FBXO34: variants seen among roughly 807,000 people sequenced by gnomAD.
FBXO34 encodes the protein F-box protein 34, also known as F-box only protein 34.
FBXO34 carries 12 observed loss-of-function variants against 24.5 expected under a neutral mutation model. That is an observed-to-expected ratio of 0.49 (90% CI 0.31 to 0.79). The LOEUF (loss-of-function observed/expected upper bound fraction) is 0.79, where lower values mean the gene tolerates loss of function less well. FBXO34 is among the 30% of genes least tolerant of loss of function. FBXO34 has a pLI of 0.04. For missense variants in FBXO34, 823 were observed against 857.7 expected (o/e 0.96, Z 0.51); for synonymous variants, 320 against 311.9 (o/e 1.03, Z -0.27).
chr14:55,428,246 C>G, the FBXO34 span, among the ~76,000 whole-genome samples: 3 of 147,490 alleles, frequency 2.0e-5, no homozygotes. Flanking sequence ...TCTTCTGCCT[C>G]AGCCTCCCGA....
chr14:55,287,872 T>G (rs983640717), intron 1 of FBXO34, among the ~76,000 whole-genome samples: 5 of 152,228 alleles, frequency 3.3e-5, no homozygotes, highest in African/African-American at 1.2e-4. Context: ...CCAACATGCA[T>G]TTGCATCATG....
rs751184392 is a variant in FBXO34, at chr14:55,351,346, A to G, written c.956A>G (p.Asn319Ser). Residue 319 changes from asparagine to serine, a missense_variant, in exon 2 of 2, where the codon AAT (asparagine) becomes AGT (serine). Physicochemically the swap from Asn to Ser is conservative, Grantham distance 46. Transcript: ENST00000313833. The stretch of plus-strand genomic sequence containing the variant: ...AATGTGGGCAGAGTATTGCTTGCAA[A>G]TAGCACTCAGGCTGATGAAGGCAAA... ...RRNVGRVLLA[N>S]STQADEGKTK... 82 of 1,614,114 alleles carry G rather than the reference A, an allele frequency of 5.1e-5. 1 individual carries two copies. Among genetic ancestry groups the G allele is most frequent in the Non-Finnish European group, 6.8e-5 (80 of 1,180,042 alleles).
chr14:55,369,862 A>G, downstream of FBXO34: 1 of 1,614,160 alleles, frequency 6.2e-7, no homozygotes, highest in Non-Finnish European at 8.5e-7. Context: ...ATTCTCCAGC[A>G]ACTCCGGGAT....
At chr14:55,345,181 C>T (rs981513208) in intron 1 of FBXO34, among the ~76,000 whole-genome samples, 17 of 152,144 alleles carry the variant, frequency 1.1e-4, no homozygotes, top group Admixed American at 1.1e-3. Context: ...TGCTCAGCCA[C>T]CTGTTGCCAT....
At chr14:55,424,263 T>C in the FBXO34 span, 1 of 1,584,702 alleles carries the variant, frequency 6.3e-7, no homozygotes, top group Non-Finnish European at 8.7e-7. Context: ...ACTGTTAAGA[T>C]GTAAAAGGAA....
At chr14:55,344,546 A>AT (rs3085086) in intron 1 of FBXO34, among the ~76,000 whole-genome samples, 1,428 of 138,980 alleles carry the variant, frequency 0.01, 25 homozygotes, top group African/African-American at 0.03. Flanking sequence ...GTGTATGTGT[A>AT]TTTTTTTTTT....
downstream of FBXO34, chr14:55,369,560 G>C (rs940975997): frequency 8.1e-6 from 11 of 1,364,146 alleles, no homozygotes; most frequent in African/African-American, 1.3e-4. Context: ...ATGTTTACTA[G>C]AGTGTAGTGG....
chr14:55,298,579 G>A, intron 1 of FBXO34: 1 of 757,820 alleles, frequency 1.3e-6, no homozygotes, highest in South Asian at 1.8e-5. Context: ...TGGCAGGGTG[G>A]AGGCGGAGGA....
downstream of FBXO34, among the ~76,000 whole-genome samples, chr14:55,365,225 CAAAAAA>C (rs1175120629): frequency 1.1e-5 from 1 of 88,682 alleles, no homozygotes; most frequent in Non-Finnish European, 2.5e-5. Flanking sequence ...TCTATCATCT[CAAAAAA>C]AAAAAAAAAA....
the FBXO34 span, among the ~76,000 whole-genome samples, chr14:55,400,836 G>A: frequency 1.9e-4 from 29 of 151,904 alleles, no homozygotes; most frequent in South Asian, 1.2e-3. Context: ...CCCGGGAAGC[G>A]GAGGTTGCAG....
the FBXO34 span, chr14:55,436,019 G>T: frequency 3.6e-6 from 3 of 835,646 alleles, no homozygotes; most frequent in Non-Finnish European, 5.4e-6. Context: ...CATTTCTTAG[G>T]TTATACCTTA....
rs944319222 is a variant in FBXO34 at position 55,351,333 on chromosome 14, G to C, written c.943G>C (p.Val315Leu). Residue 315 changes from valine to leucine, a missense_variant, in exon 2 of 2, where the codon GTA (valine) becomes CTA (leucine). Physicochemically the swap from Val to Leu is conservative, Grantham distance 32. Around this residue, in one of 2 missense-constraint regions of FBXO34, gnomAD observed 693 missense variants for 659.1 expected, o/e 1.05. Coordinates refer to ENST00000313833, the MANE Select transcript of FBXO34 (RefSeq NM_017943.4). ...NNSFRRNVGR[V>L]LLANSTQADE... ...CAGCTTCCGTCGAAATGTGGGCAGA[G>C]TATTGCTTGCAAATAGCACTCAGGC... The C allele has an allele frequency of 6.2e-6, 10 of 1,614,222 alleles. No individual in the cohort carries two copies. Among genetic ancestry groups the C allele is most frequent in the South Asian group, 3.3e-5 (3 of 91,086 alleles).
At chr14:55,440,139 A>AACC in the FBXO34 span, among the ~76,000 whole-genome samples, 2 of 152,020 alleles carry the variant, frequency 1.3e-5, no homozygotes, top group Non-Finnish European at 1.5e-5. Context: ...AAACCAGAAC[A>AACC]ACCTGGGAAG....
the FBXO34 span, among the ~76,000 whole-genome samples, chr14:55,393,346 C>G: frequency 6.6e-6 from 1 of 151,626 alleles, no homozygotes; most frequent in Non-Finnish European, 1.5e-5. Flanking sequence ...GATCGCGCCA[C>G]TGCACTCCAG....
downstream of FBXO34, among the ~76,000 whole-genome samples, chr14:55,374,019 T>A (rs1044590689): frequency 6.6e-6 from 1 of 152,148 alleles, no homozygotes; most frequent in African/African-American, 2.4e-5. Flanking sequence ...TGTGCAATTC[T>A]CAATGGAAAA....
the FBXO34 span, among the ~76,000 whole-genome samples, chr14:55,434,063 G>C: frequency 1.3e-5 from 2 of 152,124 alleles, no homozygotes; most frequent in African/African-American, 4.8e-5. Flanking sequence ...AAGTGGTAAA[G>C]TTAAGATTCA....
At chr14:55,369,060 C>G (rs536497753), downstream of FBXO34, 1 of 139,548 alleles carries the variant, frequency 7.2e-6, no homozygotes, top group Admixed American at 7.1e-5. Flanking sequence ...GAATAAAATA[C>G]GTGTAACTCA....
At chr14:55,405,202 T>C in the FBXO34 span, among the ~76,000 whole-genome samples, 2 of 152,174 alleles carry the variant, frequency 1.3e-5, no homozygotes, top group African/African-American at 4.8e-5. Context: ...CTCAAGACAA[T>C]AGATTTTTAC....
chr14:55,360,690 CAAACT>C (rs1884582319), intron 3 of FBXO34, among the ~76,000 whole-genome samples: 1 of 152,000 alleles, frequency 6.6e-6, no homozygotes, highest in Non-Finnish European at 1.5e-5. Context: ...GATTGTAAGC[CAAACT>C]CCTGTTAATG....
Sources: gnomAD v4.1 joint callset for allele counts (sites outside exome capture counted in the v4.1 genomes callset) on GRCh38, gnomAD v4.1.1 for gene constraint, gnomAD v4.1.1 regional missense constraint, MANE v1.5 for transcripts, NCBI Gene and HGNC (gene_info 2026-07-23, HGNC 2026-07-21) for gene names.